The following LPO variants were observed in gnomAD, a reference collection of about 807,000 sequenced individuals.
LPO encodes lactoperoxidase.
In LPO, 70 loss-of-function variants were observed where a neutral mutation model predicts 68.4. The observed-to-expected ratio is 1.02, with a 90% CI of 0.84 to 1.25. LPO has a LOEUF of 1.25. LPO is among the 50% of genes most tolerant of loss of function. The pLI is 0.00. For synonymous variants in LPO, 360 were observed against 357.6 expected (o/e 1.01, Z -0.08); for missense variants, 873 against 908.4 (o/e 0.96, Z 0.50).
intron 1 of LPO, among the ~76,000 whole-genome samples, chr17:58,239,831 TA>T (rs1280402700): frequency 6.6e-6 from 1 of 152,154 alleles, no homozygotes; most frequent in Non-Finnish European, 1.5e-5. Flanking sequence ...CCAAAATCCC[TA>T]GGTGATAGTA....
intron 1 of LPO, among the ~76,000 whole-genome samples, chr17:58,242,514 GAGGGGAACTCAAAGGCAGGCTCC>G: frequency 6.6e-6 from 1 of 152,222 alleles, no homozygotes; most frequent in Non-Finnish European, 1.5e-5. Context: ...GGGAAGGAGG[GAGGGGAACTCAAAGGCAGGCTCC>G]AGCCTTGGTA....
chr17:58,244,438 A>G (rs1263553309), intron 3 of LPO: 2 of 251,192 alleles, frequency 8.0e-6, no homozygotes, highest in Non-Finnish European at 1.5e-5. Flanking sequence ...TGACTGATTC[A>G]GCCAGGTCCA....
intron 1 of LPO, among the ~76,000 whole-genome samples, chr17:58,240,828 T>C (rs1969741581): frequency 6.6e-6 from 1 of 152,212 alleles, no homozygotes; most frequent in East Asian, 1.9e-4. Context: ...TGTTTGTCAT[T>C]TATTAGGAAA....
Position 58,266,137 on chromosome 17 carries a change from G to A in LPO, c.1520-16G>A, listed in dbSNP as rs940610750. The A allele has an allele frequency of 1.9e-6, 3 of 1,611,764 alleles. No individual in the cohort carries two copies. The highest frequency in any genetic ancestry group is 2.5e-6 in the Non-Finnish European group (3 of 1,178,430). ...TTCCCCCAACCTAAGCATGGCTTCTGGGTCTCCCTTGGCAGGTGGAATTGA... is the reference window on the plus strand; with the variant it reads ...TTCCCCCAACCTAAGCATGGCTTCTAGGTCTCCCTTGGCAGGTGGAATTGA... On this transcript the variant is annotated splice_polypyrimidine_tract_variant and intron_variant, in intron 10 of 12. Coordinates refer to ENST00000262290, the MANE Select transcript of LPO (RefSeq NM_006151.3).
At chr17:58,246,034 A>T (rs1341956866) in intron 3 of LPO, among the ~76,000 whole-genome samples, 1 of 152,204 alleles carries the variant, frequency 6.6e-6, no homozygotes, top group Admixed American at 6.5e-5. Flanking sequence ...GCAGTGACTC[A>T]CAATTTATGA....
chr17:58,242,512 G>A (rs551043291), intron 1 of LPO, among the ~76,000 whole-genome samples: 45 of 152,324 alleles, frequency 3.0e-4, no homozygotes, highest in African/African-American at 1.0e-3. Flanking sequence ...CAGGGAAGGA[G>A]GGAGGGGAAC....
chr17:58,260,211 T>A (rs977745734), intron 9 of LPO, among the ~76,000 whole-genome samples: 13 of 152,260 alleles, frequency 8.5e-5, no homozygotes, highest in Admixed American at 2.6e-4. Context: ...TTGATTTTTT[T>A]ATGTGTTGAT....
intron 11 of LPO, 136 bp from the exon 12 acceptor site, chr17:58,267,213 G>A (rs968395380): frequency 3.2e-6 from 2 of 631,576 alleles, no homozygotes; most frequent in South Asian, 2.0e-5. Context: ...AAAAACAATG[G>A]ATTCCCTCCT....
Position 58,250,397 on chromosome 17 carries a change from T to C in LPO, c.574-18T>C, listed in dbSNP as rs1239793122. 6 of 1,608,558 alleles carry C rather than the reference T, an allele frequency of 3.7e-6. No individual in the cohort carries two copies. Among genetic ancestry groups the C allele is most frequent in the Middle Eastern group, 1.7e-4 (1 of 5,968 alleles). ...CTTTTTCCTCTAATCTGCCCTCCCC[T>C]TCTCTCTCCATCTGTAGGCCCGGGA... On this transcript the variant is annotated intron_variant, in intron 6 of 12. Coordinates refer to ENST00000262290, the MANE Select transcript of LPO (RefSeq NM_006151.3).
intron 9 of LPO, among the ~76,000 whole-genome samples, chr17:58,264,135 A>C (rs1200953872): frequency 2.6e-5 from 4 of 152,206 alleles, no homozygotes; most frequent in African/African-American, 9.6e-5. Flanking sequence ...AACTATGTAA[A>C]AGTCGGTAAC....
chr17:58,242,820 G>A (rs1969781273), intron 1 of LPO, 158 bp from the exon 2 acceptor site: 1 of 631,688 alleles, frequency 1.6e-6, no homozygotes, highest in East Asian at 2.7e-5. Flanking sequence ...ACAGGCCTGT[G>A]TGTATGGTAG....
At chr17:58,241,931 A>G (rs1289002520) in intron 1 of LPO, among the ~76,000 whole-genome samples, 4 of 152,010 alleles carry the variant, frequency 2.6e-5, no homozygotes, top group East Asian at 3.9e-4. Context: ...CTCCAGAACT[A>G]TGATTTCTCT....
Position 58,249,639 on chromosome 17 carries a change from T to C in LPO, c.517T>C (p.Ser173Pro). 6.3e-7 allele frequency: 1 copy of C among 1,598,992 alleles called. No individual in the cohort carries two copies. Among genetic ancestry groups the C allele is most frequent in the Non-Finnish European group, 8.5e-7 (1 of 1,177,630 alleles). Residue 173 changes from serine (S) to proline (P), a missense_variant, in exon 6 of 13, where the codon TCC (serine) becomes CCC (proline). Transcript: ENST00000262290. ...WLPAEYEDGL[S>P]LPFGWTPGKT... ...GCCCGCGGAGTACGAGGACGGGCTC[T>C]CCCTGCCCTTCGGCTGGACGCCGGG...
At position 58,247,627 on chromosome 17, in the gene LPO, C is replaced by T. The variant is rs8178318; in HGVS notation, c.314C>T (p.Thr105Ile). 7,171 of 1,613,638 alleles carry T rather than the reference C, an allele frequency of 4.4e-3. 263 individuals are homozygous for T. In the African/African-American group the frequency reaches 0.083, roughly 19 times the overall value. ...LKRLRQKASL[T>I]NVTDPSLDLT... ...AGACTGAGGCAGAAGGCATCCTTGA[C>T]CAATGTCACAGGTACAGAAAACCCA... The change falls in exon 4 of 13, where the codon ACC (threonine) becomes ATC (isoleucine). Residue 105 changes from threonine to isoleucine, a missense_variant. Physicochemically the swap from Thr to Ile is moderately conservative, Grantham distance 89. Transcript: ENST00000262290.
chr17:58,263,518 C>A (rs1206164446), intron 9 of LPO, among the ~76,000 whole-genome samples: 1 of 152,164 alleles, frequency 6.6e-6, no homozygotes, highest in Non-Finnish European at 1.5e-5. Context: ...GCGGGTGGAT[C>A]ACCTGAGGTC....
chr17:58,255,441 A>G (rs1012976694), intron 9 of LPO, among the ~76,000 whole-genome samples: 5 of 152,266 alleles, frequency 3.3e-5, no homozygotes, highest in African/African-American at 1.2e-4. Context: ...AACCATGCAC[A>G]TATTTTTTAA....
intron 9 of LPO, among the ~76,000 whole-genome samples, chr17:58,256,042 C>A (rs1970063978): frequency 6.6e-6 from 1 of 152,192 alleles, no homozygotes; most frequent in East Asian, 1.9e-4. Flanking sequence ...CTGACAAGCC[C>A]TGATCAGTTC....
At chr17:58,261,619 A>G (rs898600206) in intron 9 of LPO, among the ~76,000 whole-genome samples, 1 of 151,616 alleles carries the variant, frequency 6.6e-6, no homozygotes, top group Non-Finnish European at 1.5e-5. Context: ...TTATCTTTAA[A>G]ATAATTATTA....
chr17:58,245,907 G>A (rs895414145), intron 3 of LPO, among the ~76,000 whole-genome samples: 8 of 152,184 alleles, frequency 5.3e-5, no homozygotes, highest in East Asian at 3.8e-4. Flanking sequence ...GCCAACCAGC[G>A]CCCTGCTTTG....
Sources: gnomAD v4.1 joint callset for allele counts (sites outside exome capture counted in the v4.1 genomes callset) on GRCh38, gnomAD v4.1.1 for gene constraint, MANE v1.5 for transcripts, NCBI Gene and HGNC (gene_info 2026-07-23, HGNC 2026-07-21) for gene names.